Variants in ADCK1 observed in about 807,000 individuals in gnomAD.
ADCK1 encodes the protein aarF domain containing kinase 1, also known as aarF domain-containing protein kinase 1.
A neutral mutation model predicts 52.3 loss-of-function variants in ADCK1; 41 were observed. The ratio of observed to expected loss-of-function variants is 0.78; its 90% confidence interval spans 0.61 to 1.02. The LOEUF is 1.02. Ranked by LOEUF, ADCK1 falls within the 50% of genes least tolerant of loss-of-function variation. The pLI is 0.00. For synonymous variants in ADCK1, 250 were observed against 274.6 expected, an observed-to-expected ratio of 0.91 and a Z score of 0.89; for missense variants, 658 against 679.5, an observed-to-expected ratio of 0.97 and a Z score of 0.35.
intron 5 of ADCK1, among the ~76,000 whole-genome samples, chr14:77,895,566 G>T (rs1425502578): frequency 1.3e-5 from 2 of 152,146 alleles, no homozygotes; most frequent in East Asian, 3.9e-4. Context: ...AACAACACCT[G>T]TTTTATTTTA....
intron 1 of ADCK1, among the ~76,000 whole-genome samples, chr14:77,813,249 G>C (rs1009248874): frequency 3.4e-4 from 52 of 152,166 alleles, no homozygotes; most frequent in Non-Finnish European, 5.1e-4. Flanking sequence ...TGATCCACCT[G>C]CCTCGGCCTC....
intron 3 of ADCK1, chr14:77,828,042 A>C (rs141614575): frequency 0.013 from 2,906 of 225,862 alleles, 91 homozygotes; most frequent in African/African-American, 0.066. Flanking sequence ...ATTAGCCAGA[A>C]TGATCTCCAT....
chr14:77,913,562 C>T lies in ADCK1; in HGVS notation c.858+5643C>T, dbSNP rs142228328. 3.8e-3 allele frequency among the ~76,000 whole-genome samples: 573 copies of T among 152,320 alleles called. 7 individuals carry two copies. In the Middle Eastern group the frequency reaches 0.041, roughly 11 times the overall value. ...AAGGTCGTGCAGGAGTCCTCTTTCC[C>T]GGGCTGGGTGGCGCCTCCCCAAGCC... On this transcript the variant is annotated intron_variant, in intron 7 of 10. Coordinates refer to ENST00000238561, the MANE Select transcript of ADCK1 (RefSeq NM_020421.4).
chr14:77,884,325 C>G (rs2083100791), intron 4 of ADCK1, among the ~76,000 whole-genome samples: 1 of 152,194 alleles, frequency 6.6e-6, no homozygotes, highest in Admixed American at 6.5e-5. Flanking sequence ...CTCCAGAGGG[C>G]TTGCAAAGGG....
chr14:77,871,204 G>A (rs1199781913), intron 4 of ADCK1, among the ~76,000 whole-genome samples: 1 of 152,186 alleles, frequency 6.6e-6, no homozygotes, highest in African/African-American at 2.4e-5. Context: ...GAAGGGGGAG[G>A]CAGCTGGTAA....
chr14:77,929,079 C>G (rs1017019099), intron 9 of ADCK1, among the ~76,000 whole-genome samples: 6 of 152,202 alleles, frequency 3.9e-5, no homozygotes, highest in Non-Finnish European at 7.3e-5. Context: ...CATTTGCTCA[C>G]TTTAGACAAC....
At chr14:77,885,193 G>A (rs2083120885) in intron 4 of ADCK1, among the ~76,000 whole-genome samples, 1 of 152,222 alleles carries the variant, frequency 6.6e-6, no homozygotes, top group Admixed American at 6.5e-5. Flanking sequence ...CCAAACCCAG[G>A]CCCAAGATAA....
chr14:77,862,773 C>T (rs1326522083), intron 4 of ADCK1, among the ~76,000 whole-genome samples: 1 of 152,166 alleles, frequency 6.6e-6, no homozygotes, highest in African/African-American at 2.4e-5. Flanking sequence ...TTGGGTGTAG[C>T]CAGGGATGGG....
Position 77,831,548 on chromosome 14 carries a change from C to G in ADCK1, c.219+9030C>G, listed in dbSNP as rs544028383. On this transcript the variant is annotated intron_variant, in intron 3 of 10. Transcript: ENST00000238561. ...GCTATTTTGGCATTACTAAAATCTG[C>G]ACTTAGAGGCAAGAGTCAGACACTG... is the stretch of plus-strand genomic sequence containing the variant. Among the ~76,000 whole-genome samples, 9 of 152,284 alleles carry G rather than the reference C, an allele frequency of 5.9e-5. No individual in the cohort carries two copies. In the South Asian group the frequency reaches 1.9e-3, roughly 32 times the overall value.
intron 1 of ADCK1, 46 bp from the exon 2 acceptor site, chr14:77,818,922 G>A: frequency 6.3e-7 from 1 of 1,599,858 alleles, no homozygotes; most frequent in Non-Finnish European, 8.5e-7. Context: ...GACTAACTAT[G>A]AAACTTTTAA....
chr14:77,898,206 A>T (rs2083452621), intron 5 of ADCK1, among the ~76,000 whole-genome samples: 1 of 152,206 alleles, frequency 6.6e-6, no homozygotes, highest in Admixed American at 6.5e-5. Context: ...GTTGCAGTGA[A>T]CTGTGATTGA....
At chr14:77,861,106 C>A (rs967154861) in intron 4 of ADCK1, among the ~76,000 whole-genome samples, 4 of 152,196 alleles carry the variant, frequency 2.6e-5, no homozygotes, top group Admixed American at 6.5e-5. Flanking sequence ...CCCTCCACCC[C>A]CTGCCGATTA....
At chr14:77,876,685 G>C (rs781122872) in intron 4 of ADCK1, among the ~76,000 whole-genome samples, 47 of 152,350 alleles carry the variant, frequency 3.1e-4, no homozygotes, top group South Asian at 1.2e-3. Flanking sequence ...CCAAGGCAGA[G>C]AGAGATGGGT....
intron 3 of ADCK1, among the ~76,000 whole-genome samples, chr14:77,847,261 G>A (rs952096650): frequency 2.0e-5 from 3 of 152,078 alleles, no homozygotes; most frequent in African/African-American, 7.2e-5. Flanking sequence ...CCTTGTATGG[G>A]CCTGTCAGGA....
intron 3 of ADCK1, among the ~76,000 whole-genome samples, chr14:77,848,454 A>G (rs960685575): frequency 2.0e-5 from 3 of 152,124 alleles, no homozygotes; most frequent in Admixed American, 6.5e-5. Context: ...GAAAGACTTC[A>G]TGCATTTTAT....
chr14:77,888,670 A>G (rs963473307), intron 5 of ADCK1, among the ~76,000 whole-genome samples: 1 of 152,158 alleles, frequency 6.6e-6, no homozygotes, highest in African/African-American at 2.4e-5. Context: ...ATTTGTGACC[A>G]GCTTTACACA....
At chr14:77,885,733 G>A (rs1171453797) in intron 4 of ADCK1, among the ~76,000 whole-genome samples, 1 of 152,220 alleles carries the variant, frequency 6.6e-6, no homozygotes, top group Non-Finnish European at 1.5e-5. Context: ...GGTGGGCCAG[G>A]ACAGCAGGCA....
chr14:77,847,463 A>C (rs905366249), intron 3 of ADCK1, among the ~76,000 whole-genome samples: 2 of 152,184 alleles, frequency 1.3e-5, no homozygotes, highest in African/African-American at 4.8e-5. Context: ...CCAGCTACAC[A>C]GAAGACTGAG....
At chr14:77,826,576 A>G (rs750639381) in intron 3 of ADCK1, among the ~76,000 whole-genome samples, 1 of 152,202 alleles carries the variant, frequency 6.6e-6, no homozygotes, top group African/African-American at 2.4e-5. Context: ...CAAGATGCTT[A>G]TAAACTGAGA....
Sources: allele counts gnomAD v4.1 joint callset (sites outside exome capture counted in the v4.1 genomes callset), GRCh38; gene constraint gnomAD v4.1.1; transcripts MANE v1.5; gene names NCBI Gene and HGNC (gene_info 2026-07-23, HGNC 2026-07-21).